FLRT1: variants seen among roughly 807,000 people sequenced by gnomAD.
FLRT1 encodes the protein leucine-rich repeat transmembrane protein FLRT1.
FLRT1 carries 14 observed loss-of-function variants against 30.9 expected under a neutral mutation model. That is an observed-to-expected ratio of 0.45 (90% CI 0.30 to 0.71). FLRT1 has a LOEUF of 0.71. Among genes scored for constraint, FLRT1 ranks in the 30% least tolerant of loss-of-function variants. FLRT1 has a pLI of 0.08. For synonymous variants in FLRT1, 368 were observed against 430.4 expected, an observed-to-expected ratio of 0.85 and a Z score of 1.80; for missense variants, 737 against 949.2, an observed-to-expected ratio of 0.78 and a Z score of 2.94.
chr11:64,083,323 C>A (rs1427364395), intron 1 of FLRT1, among the ~76,000 whole-genome samples: 1 of 152,186 alleles, frequency 6.6e-6, no homozygotes, highest in Non-Finnish European at 1.5e-5. Flanking sequence ...ATAGTCCCAG[C>A]TACTCCAGAG....
chr11:64,039,026 C>T lies in FLRT1; in HGVS notation c.-1038+2867C>T, dbSNP rs1468334531. 2.0e-5 allele frequency among the ~76,000 whole-genome samples: 3 copies of T among 152,312 alleles called. No individual in the cohort carries two copies. The East Asian group carries it at 5.8e-4, about 29-fold the overall frequency. On this transcript the variant is annotated intron_variant, in intron 1 of 2. Transcript: ENST00000682287. ...GTCTACACCCCTCGTTCACTGTGGG[C>T]CAAGGGCTTTCAGCTTCTTCAGGCC... is the stretch of plus-strand genomic sequence containing the variant.
chr11:64,044,153 CT>C (rs1943540939), intron 1 of FLRT1, among the ~76,000 whole-genome samples: 1 of 152,090 alleles, frequency 6.6e-6, no homozygotes, highest in South Asian at 2.1e-4. Flanking sequence ...TCGTAACCCC[CT>C]CAGCCTACAA....
intron 1 of FLRT1, among the ~76,000 whole-genome samples, chr11:64,049,808 T>C (rs984294862): frequency 6.6e-6 from 1 of 152,198 alleles, no homozygotes; most frequent in Non-Finnish European, 1.5e-5. Flanking sequence ...TGAAGTCGTC[T>C]CTGCAGACTC....
intron 1 of FLRT1, among the ~76,000 whole-genome samples, chr11:64,056,227 C>T (rs888902025): frequency 6.6e-6 from 1 of 152,106 alleles, no homozygotes; most frequent in Non-Finnish European, 1.5e-5. Flanking sequence ...CCTGGAGGAG[C>T]TGCAGCAGGT....
chr11:64,046,974 C>A (rs1258950426), intron 1 of FLRT1, among the ~76,000 whole-genome samples: 1 of 152,200 alleles, frequency 6.6e-6, no homozygotes, highest in Non-Finnish European at 1.5e-5. Context: ...AGAAGTCCAG[C>A]GCCCTCAGCC....
At chr11:64,100,002 G>A (rs562028729) in intron 1 of FLRT1, among the ~76,000 whole-genome samples, 2 of 152,276 alleles carry the variant, frequency 1.3e-5, no homozygotes, top group Admixed American at 6.5e-5. Context: ...TTTCTCTTGC[G>A]CTGTCTTGGA....
At chr11:64,095,551 G>A (rs1944561036) in intron 1 of FLRT1, among the ~76,000 whole-genome samples, 1 of 152,216 alleles carries the variant, frequency 6.6e-6, no homozygotes, top group Non-Finnish European at 1.5e-5. Context: ...GCTGGAGGCT[G>A]GCAGAGCTGG....
At chr11:64,092,734 A>G (rs1462713655) in intron 1 of FLRT1, among the ~76,000 whole-genome samples, 1 of 152,242 alleles carries the variant, frequency 6.6e-6, no homozygotes, top group Non-Finnish European at 1.5e-5. Flanking sequence ...AGGCCCCTGC[A>G]TGGCACACAG....
chr11:64,116,075 C>G (rs1944973398), intron 2 of FLRT1, 144 bp from the exon 3 acceptor site: 2 of 783,592 alleles, frequency 2.6e-6, no homozygotes, highest in East Asian at 5.4e-5. Flanking sequence ...ACAAAGGCCA[C>G]TCCTCCAGCT....
intron 1 of FLRT1, among the ~76,000 whole-genome samples, chr11:64,057,074 C>T (rs900460865): frequency 6.6e-6 from 1 of 152,224 alleles, no homozygotes; most frequent in African/African-American, 2.4e-5. Flanking sequence ...GGCCAGCCTG[C>T]GTCGCACCAG....
intron 1 of FLRT1, among the ~76,000 whole-genome samples, chr11:64,101,485 G>A (rs1944669594): frequency 6.6e-6 from 1 of 152,126 alleles, no homozygotes; most frequent in Non-Finnish European, 1.5e-5. Flanking sequence ...GGGCTCCCAG[G>A]ACACGGCAAT....
At chr11:64,114,955 G>A (rs961437291) in intron 2 of FLRT1, among the ~76,000 whole-genome samples, 4 of 152,216 alleles carry the variant, frequency 2.6e-5, no homozygotes, top group South Asian at 4.1e-4. Flanking sequence ...AGAGAAGACA[G>A]AAAGTTTGGC....
chr11:64,066,417 A>C (rs1329838014), intron 1 of FLRT1, among the ~76,000 whole-genome samples: 1 of 151,882 alleles, frequency 6.6e-6, no homozygotes. Context: ...GTTTCAGACC[A>C]GCCTGGGCAA....
At chr11:64,068,139 A>G (rs2845568) in intron 1 of FLRT1, among the ~76,000 whole-genome samples, 20,965 of 152,244 alleles carry the variant, frequency 0.14, 2,325 homozygotes, top group African/African-American at 0.31. Flanking sequence ...AATTAATGGC[A>G]TTAAGATATG....
Position 64,053,533 on chromosome 11 carries a change from A to T in FLRT1, c.-1038+17374A>T, listed in dbSNP as rs374792075. ...GGGTTGGGGAGGCAAGGCTGGTCTG[A>T]GGCTGTAGGGACAACCCTGGACTCA... On this transcript the variant is annotated intron_variant, in intron 1 of 2. Coordinates refer to ENST00000682287, the MANE Select transcript of FLRT1 (RefSeq NM_013280.5). 1.8e-4 allele frequency among the ~76,000 whole-genome samples: 27 copies of T among 152,176 alleles called. No homozygotes were observed. The East Asian group carries it at 4.9e-3, about 27-fold the overall frequency.
intron 1 of FLRT1, among the ~76,000 whole-genome samples, chr11:64,057,397 G>C (rs1409240294): frequency 6.6e-6 from 1 of 152,200 alleles, no homozygotes; most frequent in African/African-American, 2.4e-5. Flanking sequence ...AAACCTCATG[G>C]GGAGTGACCC....
chr11:64,042,390 G>A (rs1943504813), intron 1 of FLRT1, among the ~76,000 whole-genome samples: 1 of 152,210 alleles, frequency 6.6e-6, no homozygotes. Flanking sequence ...TGTTGCCCAG[G>A]CCTGGACCCC....
At chr11:64,075,390 C>T (rs1280987565) in intron 1 of FLRT1, among the ~76,000 whole-genome samples, 1 of 152,254 alleles carries the variant, frequency 6.6e-6, no homozygotes, top group African/African-American at 2.4e-5. Context: ...CACTTTATAC[C>T]CATCATTTCT....
In FLRT1 at chr11:64,095,086, C is replaced by CAT. The variant is rs1944554084; in HGVS notation, c.-1037-8107_-1037-8106insTA. Reference sequence around the variant, plus strand: ...GCTCCCAAATGAAAAGGAAAATATACAATGAGAGGCACTAAGGAAACCTCA... The same window carrying CAT: ...GCTCCCAAATGAAAAGGAAAATATACATAATGAGAGGCACTAAGGAAACCTCA... On this transcript the variant is annotated intron_variant, in intron 1 of 2. Transcript: ENST00000682287. Among the ~76,000 whole-genome samples the CAT allele has an allele frequency of 5.9e-5, 9 of 152,324 alleles. No individual in the cohort carries two copies. In the South Asian group the frequency reaches 1.7e-3, roughly 28 times the overall value.
Sources: gnomAD v4.1 joint callset for allele counts (sites outside exome capture counted in the v4.1 genomes callset) on GRCh38, gnomAD v4.1.1 for gene constraint, MANE v1.5 for transcripts, NCBI Gene and HGNC (gene_info 2026-07-23, HGNC 2026-07-21) for gene names.